The following MEPE variants were observed in gnomAD, a reference collection of about 807,000 sequenced individuals.
The protein encoded by MEPE is matrix extracellular phosphoglycoprotein.
Under a neutral mutation model 7.3 loss-of-function variants are expected in MEPE, and 7 were observed. That is an observed-to-expected ratio of 0.95 (90% CI 0.54 to 1.79). MEPE has a LOEUF of 1.79. Among genes scored for constraint, MEPE ranks in the 40% most tolerant of loss-of-function variants. The probability of loss-of-function intolerance (pLI) is 0.00; values close to 1 mark genes in which losing one functional copy is unlikely to be tolerated. For synonymous variants in MEPE, 214 were observed against 213.1 expected (o/e 1.00, Z -0.04); for missense variants, 623 against 628.2 (o/e 0.99, Z 0.09).
chr4:87,845,536 T>A lies in MEPE; in HGVS notation c.668T>A (p.Leu223Gln). 6.2e-7 allele frequency: 1 copy of A among 1,612,364 alleles called. No homozygotes were observed. The change falls in exon 4 of 4, where the codon CTA becomes CAA. Residue 223 changes from leucine to glutamine, a missense_variant. Physicochemically the swap from Leu to Gln is moderately radical, Grantham distance 113. Coordinates refer to ENST00000361056, the MANE Select transcript of MEPE (RefSeq NM_020203.6). ...CGTATTCAACACAACATTGACTACCTAAAACATCTCTCAAAAGTCAAAAAA... is the reference window on the plus strand; with the variant it reads ...CGTATTCAACACAACATTGACTACCAAAAACATCTCTCAAAAGTCAAAAAA... Reference protein sequence around the residue: ...THRIQHNIDYLKHLSKVKKIP... With the variant: ...THRIQHNIDYQKHLSKVKKIP...
intron 3 of MEPE, among the ~76,000 whole-genome samples, chr4:87,840,462 G>A (rs572076404): frequency 3.9e-5 from 6 of 152,240 alleles, no homozygotes; most frequent in East Asian, 3.9e-4. Context: ...TTCTGCCATC[G>A]ATATCCTTTA....
chr4:87,824,695 T>C (rs4546213), intron 1 of MEPE, among the ~76,000 whole-genome samples: 39,671 of 152,164 alleles, frequency 0.26, 6,525 homozygotes, highest in Non-Finnish European at 0.34. Context: ...ATAAATTGTA[T>C]CTTTTTCTCT....
In MEPE at chr4:87,846,418, G is replaced by T; in HGVS notation, c.1550G>T (p.Gly517Val). 1 of 1,613,736 alleles carries T rather than the reference G, an allele frequency of 6.2e-7. No individual in the cohort carries two copies. Among genetic ancestry groups the T allele is most frequent in the Non-Finnish European group, 8.5e-7 (1 of 1,179,810 alleles). ...GACAGTAGTGAGTCATCTGACAGTG[G>T]CAGTTCAAGTGAGAGCGATGGTGAC... ...RDDSSESSDS[G>V]SSSESDGD The change falls in exon 4 of 4, where the codon GGC becomes GTC. Residue 517 changes from glycine (G) to valine (V), a missense_variant. Coordinates refer to ENST00000361056, the MANE Select transcript of MEPE (RefSeq NM_020203.6).
At position 87,845,572 on chromosome 4, in the gene MEPE, A is replaced by C. The variant is rs1430722053; in HGVS notation, c.704A>C (p.Asp235Ala). ...HLSKVKKIPS[D>A]FEGSGYTDLQ... is the part of the protein sequence containing the mutation. ...TCAAAAGTCAAAAAAATCCCCAGTG[A>C]TTTTGAAGGCAGCGGTTATACAGAT... Residue 235 changes from aspartate to alanine, a missense_variant, in exon 4 of 4, where the codon GAT becomes GCT. By Grantham distance (126) the Asp-to-Ala change is moderately radical. Transcript: ENST00000361056. 2 of 1,612,470 alleles carry C rather than the reference A, an allele frequency of 1.2e-6. No homozygotes were observed. Among genetic ancestry groups the C allele is most frequent in the South Asian group, 2.2e-5 (2 of 90,662 alleles).
chr4:87,834,626 A>G, intron 1 of MEPE, 77 bp from the exon 2 acceptor site: 5 of 1,092,514 alleles, frequency 4.6e-6, no homozygotes, highest in Non-Finnish European at 6.9e-6. Flanking sequence ...ATATATTCCT[A>G]TGTGTTTTAT....
In MEPE at chr4:87,845,084, G is replaced by C. The variant is rs779362924; in HGVS notation, c.216G>C (p.Leu72Phe). The part of the protein sequence containing the change: ...ENIVQERKKD[L>F]SLSEASENKG... The stretch of plus-strand genomic sequence containing the variant: ...TTGTCCAGGAAAGAAAGAAAGATTT[G>C]TCCCTTTCTGAAGCCAGTGAGAATA... The change falls in exon 4 of 4, where the codon TTG (leucine) becomes TTC (phenylalanine). Residue 72 changes from leucine (L) to phenylalanine (F), a missense_variant. Leu to Phe is a conservative substitution (Grantham distance 22). Transcript: ENST00000361056. 6.8e-6 allele frequency: 11 copies of C among 1,613,486 alleles called. No homozygotes were observed. The highest frequency in any genetic ancestry group is 3.3e-4 in the Middle Eastern group (2 of 6,082).
In MEPE at chr4:87,845,781, G is replaced by C. The variant is rs1723214954; in HGVS notation, c.913G>C (p.Glu305Gln). The change falls in exon 4 of 4, where the codon GAG becomes CAG. Residue 305 changes from glutamate (E) to glutamine (Q), a missense_variant. Physicochemically the swap from Glu to Gln is conservative, Grantham distance 29. Transcript: ENST00000361056. ...TGACACAAAAAAGCCAGGTTATAATGAGATCCCAGAGAGAGAAGAAAATGG... is the reference window on the plus strand; with the variant it reads ...TGACACAAAAAAGCCAGGTTATAATCAGATCCCAGAGAGAGAAGAAAATGG... The part of the protein sequence containing the change: ...HLDTKKPGYN[E>Q]IPEREENGGN... The C allele has an allele frequency of 4.3e-6, 7 of 1,614,026 alleles. No individual in the cohort carries two copies. The highest frequency in any genetic ancestry group is 5.9e-6 in the Non-Finnish European group (7 of 1,179,962).
At chr4:87,839,672 T>C in intron 3 of MEPE, 1 of 1,536,950 alleles carries the variant, frequency 6.5e-7, no homozygotes, top group Non-Finnish European at 8.8e-7. Context: ...AATATAATGT[T>C]GTGTTTTTGT....
chr4:87,839,819 C>T, intron 3 of MEPE: 4 of 1,544,474 alleles, frequency 2.6e-6, no homozygotes, highest in Non-Finnish European at 2.6e-6. Context: ...CATGACTAAA[C>T]TCTGGACTAG....
intron 1 of MEPE, among the ~76,000 whole-genome samples, chr4:87,824,411 G>A (rs1180139325): frequency 6.6e-6 from 1 of 152,210 alleles, no homozygotes; most frequent in African/African-American, 2.4e-5. Context: ...CCTAGGTCCT[G>A]GAACTGTCAG....
Position 87,846,611 on chromosome 4 carries a change from A to T in MEPE, c.*165A>T. 1.5e-6 allele frequency: 1 copy of T among 674,682 alleles called. No individual in the cohort carries two copies. The highest frequency in any genetic ancestry group is 2.4e-6 in the Non-Finnish European group (1 of 414,722). 41.8% of individuals were successfully genotyped at this position (674,682 alleles called of 1,614,324 possible). ...TTGGGGGAATTTTTGCTATCTTAAT[A>T]GTCACAGTATAAAATTCTATTAAAG... is the stretch of plus-strand genomic sequence containing the variant. On this transcript the variant is annotated 3_prime_UTR_variant, in exon 4 of 4. Transcript: ENST00000361056.
chr4:87,833,589 A>C (rs7655429), intron 1 of MEPE, among the ~76,000 whole-genome samples: 13 of 152,044 alleles, frequency 8.6e-5, no homozygotes, highest in African/African-American at 3.1e-4. Context: ...TATTTAGATT[A>C]TTTTTTCCCA....
upstream of MEPE, among the ~76,000 whole-genome samples, chr4:87,832,142 T>C (rs748910849): frequency 6.6e-6 from 1 of 151,932 alleles, no homozygotes; most frequent in South Asian, 2.1e-4. Flanking sequence ...GACTAGCTAG[T>C]TTCTTCTTGC....
At chr4:87,827,026 C>G (rs1436881162) in intron 1 of MEPE, among the ~76,000 whole-genome samples, 1 of 152,114 alleles carries the variant, frequency 6.6e-6, no homozygotes, top group African/African-American at 2.4e-5. Flanking sequence ...TCTGACTGAG[C>G]ATTTTAAATC....
chr4:87,829,277 A>G (rs1722543053), upstream of MEPE, among the ~76,000 whole-genome samples: 1 of 151,910 alleles, frequency 6.6e-6, no homozygotes, highest in Admixed American at 6.6e-5. Context: ...TTTTTTATGT[A>G]GCTTTGAATT....
chr4:87,843,569 C>A (rs973141830), intron 3 of MEPE, among the ~76,000 whole-genome samples: 3 of 152,104 alleles, frequency 2.0e-5, no homozygotes, highest in Non-Finnish European at 4.4e-5. Flanking sequence ...GTTGTATATT[C>A]CAGCTCATCC....
intron 1 of MEPE, among the ~76,000 whole-genome samples, chr4:87,824,127 C>T (rs554874014): frequency 2.0e-5 from 3 of 152,130 alleles, no homozygotes; most frequent in Admixed American, 2.0e-4. Context: ...TCTGCCCTCA[C>T]TATTTTAATA....
chr4:87,823,704 G>C (rs968078218), intron 1 of MEPE, among the ~76,000 whole-genome samples: 1 of 152,186 alleles, frequency 6.6e-6, no homozygotes, highest in Admixed American at 6.5e-5. Flanking sequence ...CTCTTTGAAT[G>C]ATGAGGAGAA....
chr4:87,845,294 T>C lies in MEPE; in HGVS notation c.426T>C (p.Tyr142=), dbSNP rs1360674923. The change falls in exon 4 of 4, where the codon TAT becomes TAC. Residue 142 remains tyrosine, a synonymous_variant. Transcript: ENST00000361056. ...AISKLHDQEE[Y]GAALIRNNMQ... ...GCAAACTACATGACCAAGAAGAATA[T>C]GGCGCAGCTCTCATCAGAAATAACA... 6.2e-6 allele frequency: 10 copies of C among 1,613,986 alleles called. No homozygotes were observed. Among genetic ancestry groups the C allele is most frequent in the Non-Finnish European group, 8.5e-6 (10 of 1,179,952 alleles).
Sources: gnomAD v4.1 joint callset for allele counts (sites outside exome capture counted in the v4.1 genomes callset) on GRCh38, gnomAD v4.1.1 for gene constraint, MANE v1.5 for transcripts, NCBI Gene and HGNC (gene_info 2026-07-23, HGNC 2026-07-21) for gene names.